LRRFIP1: variants seen among roughly 807,000 people sequenced by gnomAD.
The protein encoded by LRRFIP1 is LRR binding FLII interacting protein 1.
In LRRFIP1, 62 loss-of-function variants were observed where a neutral mutation model predicts 104.4. The ratio of observed to expected loss-of-function variants is 0.59; its 90% CI spans 0.48 to 0.73. LRRFIP1 has a LOEUF of 0.73. Ranked by LOEUF, LRRFIP1 falls within the 30% of genes least tolerant of loss-of-function variation. LRRFIP1 has a pLI of 0.00. For missense variants in LRRFIP1, 796 were observed against 824.5 expected, an observed-to-expected ratio of 0.97 and a Z score of 0.42; for synonymous variants, 300 against 299.0, an observed-to-expected ratio of 1.00 and a Z score of -0.03.
intron 14 of LRRFIP1, among the ~76,000 whole-genome samples, chr2:237,751,911 G>A (rs995998123): frequency 6.6e-5 from 10 of 152,254 alleles, no homozygotes; most frequent in African/African-American, 9.6e-5. Context: ...AGGCAGCAGC[G>A]GATCATGGAT....
intron 19 of LRRFIP1, chr2:237,763,491 A>T (rs779053126): frequency 6.2e-7 from 1 of 1,613,534 alleles, no homozygotes; most frequent in Non-Finnish European, 8.5e-7. Flanking sequence ...GATGTTAAAA[A>T]AGAGTTAACG....
At chr2:237,746,617 C>G (rs763799269) in intron 11 of LRRFIP1, among the ~76,000 whole-genome samples, 1 of 152,108 alleles carries the variant, frequency 6.6e-6, no homozygotes, top group Non-Finnish European at 1.5e-5. Flanking sequence ...GCATGCACAT[C>G]CGAAAAAATA....
chr2:237,696,591 G>A (rs567828586), intron 1 of LRRFIP1, among the ~76,000 whole-genome samples: 1 of 152,324 alleles, frequency 6.6e-6, no homozygotes, highest in South Asian at 2.1e-4. Flanking sequence ...GGAGCAGATC[G>A]TTTTCTCTCA....
At chr2:237,699,376 G>A (rs867424193) in intron 1 of LRRFIP1, among the ~76,000 whole-genome samples, 16 of 143,328 alleles carry the variant, frequency 1.1e-4, no homozygotes, top group Middle Eastern at 3.6e-3. Flanking sequence ...TTTTTGAGAT[G>A]GAATTTCGCT....
At chr2:237,669,912 T>A (rs2090072821) in intron 1 of LRRFIP1, among the ~76,000 whole-genome samples, 1 of 152,188 alleles carries the variant, frequency 6.6e-6, no homozygotes, top group Non-Finnish European at 1.5e-5. Flanking sequence ...ACGTTGCTTT[T>A]GGGAGAATCA....
At chr2:237,733,698 C>T (rs141929901) in intron 8 of LRRFIP1, 76 bp from the exon 9 acceptor site, 35 of 1,409,464 alleles carry the variant, frequency 2.5e-5, no homozygotes, top group Non-Finnish European at 3.2e-5. Flanking sequence ...CTGAAACTAT[C>T]GTGATGGCCT....
rs201221434 is a variant in LRRFIP1 at position 237,719,566 on chromosome 2, C to T, written c.293C>T (p.Ser98Leu). The T allele has an allele frequency of 5.3e-5, 85 of 1,611,566 alleles. No individual in the cohort carries two copies. Among genetic ancestry groups the T allele is most frequent in the South Asian group, 5.5e-5 (5 of 90,868 alleles). ...TCTCGTAGATCCAGAAGAAACACAT[C>T]GGTTAGTACCGTGTTCATTCATTAC... is the stretch of plus-strand genomic sequence containing the variant. ...RYSRRSRRNT[S>L]ASDEDERMSV... is the part of the protein sequence containing the mutation. The change falls in exon 5 of 24, where the codon TCG (serine) becomes TTG (leucine). Residue 98 changes from serine (S) to leucine (L), a missense_variant and splice_region_variant. Ser to Leu is a moderately radical substitution (Grantham distance 145). Transcript: ENST00000308482.
intron 18 of LRRFIP1, among the ~76,000 whole-genome samples, chr2:237,759,633 T>G (rs2150809971): frequency 6.6e-6 from 1 of 152,330 alleles, no homozygotes; most frequent in East Asian, 1.9e-4. Context: ...TTCTTTAACA[T>G]AAGTTTCGTG....
chr2:237,658,307 C>T (rs1296369632), intron 1 of LRRFIP1, among the ~76,000 whole-genome samples: 2 of 152,164 alleles, frequency 1.3e-5, no homozygotes, highest in Admixed American at 1.3e-4. Flanking sequence ...GCAGAAATGG[C>T]ATACCATGTT....
chr2:237,673,233 C>T (rs767282697), intron 1 of LRRFIP1, among the ~76,000 whole-genome samples: 2 of 152,200 alleles, frequency 1.3e-5, no homozygotes, highest in Non-Finnish European at 2.9e-5. Context: ...CACCACCAGG[C>T]GGCATAACAG....
At chr2:237,734,427 C>A (rs575453171) in intron 9 of LRRFIP1, among the ~76,000 whole-genome samples, 6 of 151,788 alleles carry the variant, frequency 4.0e-5, no homozygotes, top group Non-Finnish European at 7.4e-5. Flanking sequence ...ATTACAGGCA[C>A]GTGTCACCAC....
At chr2:237,729,874 T>C (rs970484874) in intron 8 of LRRFIP1, 11 of 956,138 alleles carry the variant, frequency 1.2e-5, no homozygotes, top group Middle Eastern at 5.3e-4. Context: ...TCACATTCTC[T>C]TCAGAAACCG....
At chr2:237,761,766 A>G (rs2059899517) in intron 19 of LRRFIP1, among the ~76,000 whole-genome samples, 1 of 152,240 alleles carries the variant, frequency 6.6e-6, no homozygotes, top group South Asian at 2.1e-4. Context: ...GCACCCCACC[A>G]TGGAGATCAC....
intron 3 of LRRFIP1, among the ~76,000 whole-genome samples, chr2:237,715,467 G>A (rs2094292575): frequency 6.6e-6 from 1 of 152,182 alleles, no homozygotes; most frequent in Admixed American, 6.5e-5. Context: ...TGCCTTTCTT[G>A]TGCTAGGTCA....
intron 22 of LRRFIP1, chr2:237,773,972 C>G (rs1314044322): frequency 1.8e-5 from 3 of 166,926 alleles, no homozygotes; most frequent in Admixed American, 1.8e-4. Flanking sequence ...CTCCTCCCAC[C>G]CCCGCCACCC....
intron 16 of LRRFIP1, 138 bp downstream of exon 16, chr2:237,756,325 C>T: frequency 1.5e-6 from 1 of 662,242 alleles, no homozygotes. Context: ...AATTTTCTTA[C>T]AATTCTGGAG....
Position 237,741,127 on chromosome 2 carries a change from A to G in LRRFIP1, c.633+1818A>G, listed in dbSNP as rs548609079. Reference sequence around the variant, plus strand: ...GCAGTGAGAGAAGCCAAATGTGTGCAGGGAGTGCGAGGCGGCAGCTACCAT... The same window carrying G: ...GCAGTGAGAGAAGCCAAATGTGTGCGGGGAGTGCGAGGCGGCAGCTACCAT... On this transcript the variant is annotated intron_variant, in intron 11 of 23. Transcript: ENST00000308482. 2.2e-4 allele frequency among the ~76,000 whole-genome samples: 33 copies of G among 152,352 alleles called. 1 individual carries two copies. In the South Asian group the frequency reaches 6.4e-3, roughly 30 times the overall value.
chr2:237,733,746 A>C (rs574126909), intron 8 of LRRFIP1, 28 bp from the exon 9 acceptor site: 1 of 1,613,534 alleles, frequency 6.2e-7, no homozygotes, highest in African/African-American at 1.3e-5. Context: ...AAGGCTTTTA[A>C]AACCTGCCAT....
At chr2:237,670,591 A>T (rs1042805595) in intron 1 of LRRFIP1, among the ~76,000 whole-genome samples, 1 of 152,068 alleles carries the variant, frequency 6.6e-6, no homozygotes, top group Admixed American at 6.5e-5. Flanking sequence ...GGCTGTTGAG[A>T]CTTACCTGCA....
Sources: allele counts gnomAD v4.1 joint callset (sites outside exome capture counted in the v4.1 genomes callset), GRCh38; gene constraint gnomAD v4.1.1; transcripts MANE v1.5; gene names NCBI Gene and HGNC (gene_info 2026-07-23, HGNC 2026-07-21).